KTN1: variants seen among roughly 807,000 people sequenced by gnomAD.
KTN1 encodes the protein kinectin.
A neutral mutation model predicts 222.5 loss-of-function variants in KTN1; 130 were observed. The observed-to-expected ratio is 0.58, with a 90% confidence interval of 0.51 to 0.68. The LOEUF (loss-of-function observed/expected upper bound fraction) is 0.68, where lower values mean the gene tolerates loss of function less well. Ranked by LOEUF, KTN1 falls within the 30% of genes least tolerant of loss-of-function variation. The probability of loss-of-function intolerance (pLI) is 0.00; values close to 1 mark genes in which losing one functional copy is unlikely to be tolerated. For synonymous variants in KTN1, 512 were observed against 496.3 expected, an observed-to-expected ratio of 1.03 and a Z score of -0.42; for missense variants, 1,508 against 1,500.4, an observed-to-expected ratio of 1.01 and a Z score of -0.08.
rs539680699 is a variant in KTN1 at position 55,650,489 on chromosome 14, G to T, written c.2496+71G>T. The T allele has an allele frequency of 2.0e-6, 3 of 1,504,788 alleles. No homozygotes were observed. In the South Asian group the frequency reaches 3.5e-5, roughly 17 times the overall value. The allele number at this position is 1,504,788 out of a possible 1,614,324, so 93.2% of individuals were successfully genotyped here. A position where few individuals can be genotyped will look rare whatever the true frequency, so the allele number is the denominator to read the frequency against. On this transcript the variant is annotated intron_variant, in intron 23 of 43. Coordinates refer to ENST00000395314, the MANE Select transcript of KTN1 (RefSeq NM_001079521.2). Reference sequence around the variant, plus strand: ...TTTAGTTAATATCATTTAATTTCGTGTGTTTTTGTCTGTGCATTGCATTTT... The same window carrying T: ...TTTAGTTAATATCATTTAATTTCGTTTGTTTTTGTCTGTGCATTGCATTTT...
intron 1 of KTN1, among the ~76,000 whole-genome samples, chr14:55,586,226 C>G (rs1328940935): frequency 1.3e-5 from 2 of 152,120 alleles, no homozygotes; most frequent in Non-Finnish European, 2.9e-5. Context: ...AGCTTGGGCA[C>G]TAGGGAGCCT....
chr14:55,623,456 C>T (rs1164457198), intron 5 of KTN1, among the ~76,000 whole-genome samples: 3 of 152,292 alleles, frequency 2.0e-5, no homozygotes, highest in South Asian at 2.1e-4. Context: ...CTCTGCTCAC[C>T]GTAGCCTTCA....
At chr14:55,644,182 C>G in intron 18 of KTN1, 306 of 369,958 alleles carry the variant, frequency 8.3e-4, no homozygotes, top group Middle Eastern at 1.5e-3. Flanking sequence ...TTTATTGTTG[C>G]TGCTAGTGAA....
rs1267212804 is a variant in KTN1, at chr14:55,679,612, A to C, written c.3996A>C (p.Val1332=). 1 of 1,611,880 alleles carries C rather than the reference A, an allele frequency of 6.2e-7. No homozygotes were observed. The highest frequency in any genetic ancestry group is 1.1e-5 in the South Asian group (1 of 91,038). ...TGTCTGTAAGTCTAAATCAGACTGT[A>C]ACACAGTTACAGCAGTTGCTTCAGG... The part of the protein sequence containing the change: ...ETMSVSLNQT[V]TQLQQLLQAV... Residue 1332 remains valine (V), a synonymous_variant, in exon 43 of 44, where the codon GTA becomes GTC. Transcript: ENST00000395314.
At chr14:55,645,779 A>T (rs901352258) in intron 18 of KTN1, among the ~76,000 whole-genome samples, 7 of 152,186 alleles carry the variant, frequency 4.6e-5, no homozygotes, top group Non-Finnish European at 8.8e-5. Flanking sequence ...GTATTATGAT[A>T]TTTGAGATGA....
intron 2 of KTN1, among the ~76,000 whole-genome samples, chr14:55,614,299 C>T (rs1036265643): frequency 6.6e-6 from 1 of 152,016 alleles, no homozygotes; most frequent in African/African-American, 2.4e-5. Flanking sequence ...GTATTTGATG[C>T]CGGCAGACTA....
chr14:55,651,850 A>G (rs1043154063), intron 24 of KTN1, 40 bp from the exon 25 acceptor site: 5 of 1,321,054 alleles, frequency 3.8e-6, no homozygotes, highest in African/African-American at 2.9e-5. Flanking sequence ...AGTTAAATTG[A>G]AAGGATTATT....
chr14:55,657,505 A>G (rs2043629095), intron 29 of KTN1, among the ~76,000 whole-genome samples: 1 of 150,410 alleles, frequency 6.6e-6, no homozygotes, highest in South Asian at 2.1e-4. Context: ...TTTTCTTCTG[A>G]CTTCATTTGT....
intron 14 of KTN1, 123 bp downstream of exon 14, chr14:55,640,126 C>G: frequency 1.4e-6 from 1 of 712,350 alleles, no homozygotes; most frequent in Non-Finnish European, 2.4e-6. Flanking sequence ...TTTGAAATAA[C>G]TGTTTTTCTA....
chr14:55,601,757 G>A (rs369538835), intron 1 of KTN1: 6 of 151,832 alleles, frequency 4.0e-5, no homozygotes, highest in African/African-American at 1.2e-4. Context: ...TTTTTTTCAG[G>A]TAGATTTTCG....
chr14:55,657,897 CAG>C (rs58929457), intron 29 of KTN1, among the ~76,000 whole-genome samples: 2,931 of 152,014 alleles, frequency 0.019, 90 homozygotes, highest in African/African-American at 0.064. Flanking sequence ...CTGGGTAACA[CAG>C]CAAGACTGCC....
chr14:55,618,654 G>A (rs56015977), intron 4 of KTN1, among the ~76,000 whole-genome samples: 2,945 of 152,276 alleles, frequency 0.019, 93 homozygotes, highest in African/African-American at 0.064. Context: ...AAATAAGGGT[G>A]GGTGGGTCAG....
At chr14:55,591,386 CAA>C (rs150928404) in intron 1 of KTN1, among the ~76,000 whole-genome samples, 77 of 152,184 alleles carry the variant, frequency 5.1e-4, no homozygotes, top group Non-Finnish European at 9.9e-4. Context: ...TTGTAGGAGA[CAA>C]GACATTTTCA....
intron 40 of KTN1, chr14:55,675,224 G>A (rs1276489986): frequency 6.6e-6 from 1 of 152,188 alleles, no homozygotes; most frequent in Non-Finnish European, 1.5e-5. Context: ...AATCAGAGAA[G>A]CGGCATTATA....
chr14:55,604,157 C>T (rs765742049), intron 1 of KTN1, among the ~76,000 whole-genome samples: 2 of 152,166 alleles, frequency 1.3e-5, no homozygotes, highest in East Asian at 3.9e-4. Flanking sequence ...TCCCCTCTCC[C>T]TTTCAAATTC....
At chr14:55,641,343 T>G (rs767807572) in intron 17 of KTN1, 135 bp downstream of exon 17, 1 of 604,232 alleles carries the variant, frequency 1.7e-6, no homozygotes, top group East Asian at 2.8e-5. Flanking sequence ...AGGGGACTTA[T>G]GCAAACCATG....
chr14:55,615,892 T>TTCTCTCCCTCTTTCTTTCTC (rs2038305950), intron 2 of KTN1, among the ~76,000 whole-genome samples: 1 of 150,578 alleles, frequency 6.6e-6, no homozygotes, highest in African/African-American at 2.5e-5. Context: ...CTTTCTCTCT[T>TTCTCTCCCTCTTTCTTTCTC]TCTCTCTCTC....
intron 7 of KTN1, among the ~76,000 whole-genome samples, chr14:55,632,551 T>C (rs1293915750): frequency 1.3e-5 from 2 of 151,872 alleles, no homozygotes; most frequent in Non-Finnish European, 2.9e-5. Context: ...ATGGGAGTTA[T>C]TCGTTAAAAG....
chr14:55,637,274 A>C lies in KTN1; in HGVS notation c.1626A>C (p.Ser542=). 1 of 1,612,162 alleles carries C rather than the reference A, an allele frequency of 6.2e-7. No homozygotes were observed. Among genetic ancestry groups the C allele is most frequent in the Non-Finnish European group, 8.5e-7 (1 of 1,178,574 alleles). Residue 542 remains serine, a synonymous_variant, in exon 11 of 44, where the codon TCA becomes TCC. Transcript: ENST00000395314. ...GTAAGCTTACAGATACCTTGGTATC[A>C]AAACAACAGTTGGAGCAAAGACTAA... ...LHSKLTDTLV[S]KQQLEQRLMQ...
Sources: gnomAD v4.1 joint callset for allele counts (sites outside exome capture counted in the v4.1 genomes callset) on GRCh38, gnomAD v4.1.1 for gene constraint, MANE v1.5 for transcripts, NCBI Gene and HGNC (gene_info 2026-07-23, HGNC 2026-07-21) for gene names.